The following ARHGEF17 variants were observed in gnomAD, a reference collection of about 807,000 sequenced individuals.
The protein encoded by ARHGEF17 is 164 kDa Rho-specific guanine-nucleotide exchange factor.
In ARHGEF17, 80 loss-of-function variants were observed where a neutral mutation model predicts 174.0. The ratio of observed to expected loss-of-function variants is 0.46; its 90% CI spans 0.38 to 0.55. The LOEUF (loss-of-function observed/expected upper bound fraction) is 0.55, where lower values mean the gene tolerates loss of function less well. Among genes scored for constraint, ARHGEF17 ranks in the 20% least tolerant of loss-of-function variants. ARHGEF17 has a pLI of 0.00. For missense variants in ARHGEF17, 2,886 were observed against 2,839.7 expected, an observed-to-expected ratio of 1.02 and a Z score of -0.37; for synonymous variants, 1,311 against 1,189.1, an observed-to-expected ratio of 1.10 and a Z score of -2.11.
rs117094250 is a variant in ARHGEF17 at position 73,312,317 on chromosome 11, C to T, written c.3192+487C>T. Among the ~76,000 whole-genome samples, 547 of 152,258 alleles carry T rather than the reference C, an allele frequency of 3.6e-3. 3 individuals carry two copies. Among genetic ancestry groups the T allele is most frequent in the Middle Eastern group, 0.01 (3 of 294 alleles). On this transcript the variant is annotated intron_variant, in intron 1 of 20. Transcript: ENST00000263674. Reference sequence around the variant, plus strand: ...TTCGTGTGGCTTTCCTGTGACAGGTCAGAATATAGATGTGTTCCTGGGCCT... The same window carrying T: ...TTCGTGTGGCTTTCCTGTGACAGGTTAGAATATAGATGTGTTCCTGGGCCT...
In ARHGEF17 at chr11:73,308,934, CT is replaced by C. The variant is rs1565182234; in HGVS notation, c.297del (p.Thr101ProfsTer88). The C allele has an allele frequency of 1.5e-6, 2 of 1,364,754 alleles. No individual in the cohort carries two copies. The highest frequency in any genetic ancestry group is 1.9e-6 in the Non-Finnish European group (2 of 1,065,402). The allele number at this position is 1,364,754 out of a possible 1,614,324, so 84.5% of individuals were successfully genotyped here. A position where few individuals can be genotyped will look rare whatever the true frequency, so the allele number is the denominator to read the frequency against. On this transcript the variant is annotated frameshift_variant, in exon 1 of 21. Transcript: ENST00000263674. LOFTEE classifies it high-confidence loss of function. ...GCGCCGCGTCTGGACGACGGCTCCG[CT>C]GGGACCCGAGACGGAGGCGTCTTAC... is the stretch of plus-strand genomic sequence containing the variant. ...FDAPRLDDGS[A>X]GTRDGGVLPA...
In ARHGEF17 at chr11:73,326,378, G is replaced by A. The variant is rs569771798; in HGVS notation, c.3192+14548G>A. Among the ~76,000 whole-genome samples, 25 of 152,232 alleles carry A rather than the reference G, an allele frequency of 1.6e-4. 1 individual carries two copies. In the East Asian group the frequency reaches 3.9e-3, roughly 24 times the overall value. On this transcript the variant is annotated intron_variant, in intron 1 of 20. Transcript: ENST00000263674. ...GTTCTGGAGAGGTCAGGTGGGCCCC[G>A]GGAGTTCCTAAAGGCCAGGCCTAAA...
chr11:73,366,653 T>G (rs867125502), intron 20 of ARHGEF17, among the ~76,000 whole-genome samples: 3 of 152,216 alleles, frequency 2.0e-5, no homozygotes, highest in African/African-American at 4.8e-5. Flanking sequence ...GAGACTCACT[T>G]GAGCCCAGGG....
chr11:73,321,194 T>C (rs891129306), intron 1 of ARHGEF17, among the ~76,000 whole-genome samples: 1 of 152,198 alleles, frequency 6.6e-6, no homozygotes, highest in Non-Finnish European at 1.5e-5. Flanking sequence ...CCTGGTTCTC[T>C]GGAGGTGGGG....
In ARHGEF17 at chr11:73,365,352, G is replaced by T. The variant is rs200538831; in HGVS notation, c.5551-38G>T. ...GGCTAGGGTGGGCCAAGGGAGGCAG[G>T]CCTGCCAATGACCCATCTTCTCCCC... On this transcript the variant is annotated intron_variant, in intron 18 of 20. Transcript: ENST00000263674. The surrounding 1 kb of genome is among the most constrained non-coding windows in gnomAD (Gnocchi z 4.9). 281 of 1,610,538 alleles carry T rather than the reference G, an allele frequency of 1.7e-4. No homozygotes were observed. The African/African-American group carries it at 3.1e-3, about 18-fold the overall frequency.
intron 1 of ARHGEF17, among the ~76,000 whole-genome samples, chr11:73,325,550 ACT>A (rs144524505): frequency 1.2e-4 from 18 of 149,498 alleles, no homozygotes; most frequent in East Asian, 3.9e-4. Flanking sequence ...GTACACACAC[ACT>A]CTCTCTCTCT....
rs1433353856 is a variant in ARHGEF17 at position 73,363,263 on chromosome 11, A to G, written c.5054A>G (p.Glu1685Gly). 9 of 1,609,090 alleles carry G rather than the reference A, an allele frequency of 5.6e-6. No individual in the cohort carries two copies. The highest frequency in any genetic ancestry group is 7.6e-6 in the Non-Finnish European group (9 of 1,177,238). The stretch of plus-strand genomic sequence containing the variant: ...GCAGAGACCACCAGCTCAGAGGAGG[A>G]GCAGGAGCCAGGCTTCCTGCCACTG... ...ATAETTSSEEEQEPGFLPLSG... is the reference protein window; with the variant it reads ...ATAETTSSEEGQEPGFLPLSG... The change falls in exon 15 of 21, where the codon GAG becomes GGG. Residue 1685 changes from glutamate (E) to glycine (G), a missense_variant. Coordinates refer to ENST00000263674, the MANE Select transcript of ARHGEF17 (RefSeq NM_014786.4).
At chr11:73,358,004 T>C (rs1231843643) in intron 9 of ARHGEF17, among the ~76,000 whole-genome samples, 1 of 152,180 alleles carries the variant, frequency 6.6e-6, no homozygotes, top group African/African-American at 2.4e-5. Context: ...GCCCACTATG[T>C]AGGAATACCA....
intron 1 of ARHGEF17, among the ~76,000 whole-genome samples, chr11:73,346,279 GT>G: frequency 6.6e-6 from 1 of 152,210 alleles, no homozygotes; most frequent in African/African-American, 2.4e-5. Flanking sequence ...CATAGTTAAT[GT>G]TTTTAAATGA....
At chr11:73,363,708 C>T (rs2134423254) in intron 15 of ARHGEF17, 39 bp from the exon 16 acceptor site, 1 of 1,606,766 alleles carries the variant, frequency 6.2e-7, no homozygotes, top group Non-Finnish European at 8.5e-7. Context: ...GGCTGGTGTG[C>T]CCCAAGCATT....
At chr11:73,357,349 C>G in intron 9 of ARHGEF17, 22 bp downstream of exon 9, 1 of 1,606,128 alleles carries the variant, frequency 6.2e-7, no homozygotes, top group Non-Finnish European at 8.5e-7. Context: ...GCTAGGGGTT[C>G]TGGGTGTTGG....
In ARHGEF17 at chr11:73,363,380, G is replaced by A. The variant is rs1279860265; in HGVS notation, c.5171G>A (p.Gly1724Asp). ...TCCAGCCACGGCTCCTTCACCCGGG[G>A]CAGCCTTGAGGACCTGCTGAGTGTC... is the stretch of plus-strand genomic sequence containing the variant. ...RRSSHGSFTR[G>D]SLEDLLSVDP... is the part of the protein sequence containing the mutation. The change falls in exon 15 of 21, where the codon GGC (glycine) becomes GAC (aspartate). Residue 1724 changes from glycine (G) to aspartate (D), a missense_variant. Gly to Asp is a moderately conservative substitution (Grantham distance 94, BLOSUM62 -1). Transcript: ENST00000263674. The A allele has an allele frequency of 6.2e-7, 1 of 1,613,210 alleles. No homozygotes were observed. Among genetic ancestry groups the A allele is most frequent in the Non-Finnish European group, 8.5e-7 (1 of 1,179,894 alleles).
At chr11:73,329,266 C>T (rs1865151821) in intron 1 of ARHGEF17, among the ~76,000 whole-genome samples, 2 of 137,770 alleles carry the variant, frequency 1.5e-5, no homozygotes, top group African/African-American at 5.6e-5. Flanking sequence ...TTGCCCCTTG[C>T]TCGTTACACT....
At chr11:73,329,653 G>C (rs1352475851) in intron 1 of ARHGEF17, among the ~76,000 whole-genome samples, 1 of 151,954 alleles carries the variant, frequency 6.6e-6, no homozygotes, top group Non-Finnish European at 1.5e-5. Context: ...GCCTGCCTCA[G>C]CCTCCCAAAG....
chr11:73,342,088 A>C (rs1375506382), intron 1 of ARHGEF17, among the ~76,000 whole-genome samples: 1 of 151,714 alleles, frequency 6.6e-6, no homozygotes, highest in Non-Finnish European at 1.5e-5. Context: ...CTAGGGGTGC[A>C]CAGTCTAGGT....
chr11:73,336,810 C>T (rs1178161767), intron 1 of ARHGEF17, among the ~76,000 whole-genome samples: 1 of 152,214 alleles, frequency 6.6e-6, no homozygotes. Context: ...CTGGAATTAC[C>T]TTGAAGGCAT....
At chr11:73,361,902 GA>G in intron 12 of ARHGEF17, 137 bp from the exon 13 acceptor site, 1 of 913,086 alleles carries the variant, frequency 1.1e-6, no homozygotes, top group Non-Finnish European at 1.6e-6. Context: ...CGCGTGTGTA[GA>G]AGGGTGTATA....
At chr11:73,316,011 G>A (rs888892645) in intron 1 of ARHGEF17, among the ~76,000 whole-genome samples, 5 of 149,778 alleles carry the variant, frequency 3.3e-5, no homozygotes, top group African/African-American at 1.2e-4. Context: ...CAGGCTTCCT[G>A]GGAGCCGAGG....
chr11:73,337,847 C>G (rs1865310524), intron 1 of ARHGEF17, among the ~76,000 whole-genome samples: 1 of 152,244 alleles, frequency 6.6e-6, no homozygotes, highest in Admixed American at 6.5e-5. Flanking sequence ...TACACAGACA[C>G]ACAGAGGAGT....
Sources: gnomAD v4.1 joint callset for allele counts (sites outside exome capture counted in the v4.1 genomes callset) on GRCh38, gnomAD v4.1.1 for gene constraint, Gnocchi (gnomAD v3.1) non-coding constraint, MANE v1.5 for transcripts, NCBI Gene and HGNC (gene_info 2026-07-23, HGNC 2026-07-21) for gene names.